The following PXDNL variants were observed in gnomAD, a reference collection of about 807,000 sequenced individuals.
PXDNL encodes the protein probable oxidoreductase PXDNL.
A neutral mutation model predicts 150.8 loss-of-function variants in PXDNL; 145 were observed. That is an observed-to-expected ratio of 0.96 (90% CI 0.84 to 1.10). The LOEUF (loss-of-function observed/expected upper bound fraction) is 1.10. Among genes scored for constraint, PXDNL ranks in the 50% least tolerant of loss-of-function variants. PXDNL has a pLI of 0.00. For missense variants in PXDNL, 2,087 were observed against 1,873.9 expected (o/e 1.11, Z -2.10); for synonymous variants, 757 against 725.7 (o/e 1.04, Z -0.69).
chr8:51,494,304 CG>C (rs1810983856), intron 5 of PXDNL, among the ~76,000 whole-genome samples: 1 of 151,936 alleles, frequency 6.6e-6, no homozygotes, highest in African/African-American at 2.4e-5. Flanking sequence ...AAGGAACAAC[CG>C]GCACCACCCA....
At chr8:51,387,310 T>C (rs986115253) in intron 17 of PXDNL, among the ~76,000 whole-genome samples, 6 of 152,210 alleles carry the variant, frequency 3.9e-5, no homozygotes, top group African/African-American at 1.4e-4. Flanking sequence ...AAAGCAATGT[T>C]AACTATGGTA....
chr8:51,348,693 CA>C (rs1806239065), intron 19 of PXDNL, among the ~76,000 whole-genome samples: 1 of 152,130 alleles, frequency 6.6e-6, no homozygotes, highest in African/African-American at 2.4e-5. Context: ...TACATGTTTT[CA>C]AGCTCTGTTC....
intron 1 of PXDNL, among the ~76,000 whole-genome samples, chr8:51,663,193 T>C (rs1364376814): frequency 2.0e-5 from 3 of 152,194 alleles, no homozygotes; most frequent in African/African-American, 7.2e-5. Context: ...CAAGTGTATC[T>C]GCTGACACAG....
intron 1 of PXDNL, among the ~76,000 whole-genome samples, chr8:51,725,073 G>T (rs73588487): frequency 6.6e-6 from 1 of 151,996 alleles, no homozygotes; most frequent in East Asian, 1.9e-4. Context: ...CTGCAGGTTC[G>T]AACTCCGGGT....
intron 4 of PXDNL, among the ~76,000 whole-genome samples, chr8:51,536,596 C>T (rs1229051571): frequency 1.3e-5 from 2 of 150,760 alleles, no homozygotes; most frequent in Non-Finnish European, 1.5e-5. Flanking sequence ...AGGGTGGCAC[C>T]GAGTTTTTTC....
At chr8:51,543,293 A>G (rs1174434153) in intron 4 of PXDNL, among the ~76,000 whole-genome samples, 1 of 152,198 alleles carries the variant, frequency 6.6e-6, no homozygotes, top group Non-Finnish European at 1.5e-5. Context: ...TGATGAGATA[A>G]AAAGTTTATA....
chr8:51,388,745 T>C (rs141001316), intron 17 of PXDNL, among the ~76,000 whole-genome samples: 12 of 152,312 alleles, frequency 7.9e-5, no homozygotes, highest in Non-Finnish European at 1.6e-4. Flanking sequence ...ATCTCCCTTA[T>C]TATTTATTAT....
intron 2 of PXDNL, among the ~76,000 whole-genome samples, chr8:51,604,234 G>A (rs2130691909): frequency 6.6e-6 from 1 of 152,218 alleles, no homozygotes; most frequent in South Asian, 2.1e-4. Context: ...CAATAGCAAA[G>A]ACTTGGAACC....
intron 4 of PXDNL, among the ~76,000 whole-genome samples, chr8:51,506,431 C>T (rs918595989): frequency 1.3e-5 from 2 of 149,584 alleles, no homozygotes; most frequent in African/African-American, 2.5e-5. Context: ...ATCCCAGCTA[C>T]TCGGGAGGCT....
At chr8:51,668,945 G>A (rs935654757) in intron 1 of PXDNL, among the ~76,000 whole-genome samples, 1 of 152,114 alleles carries the variant, frequency 6.6e-6, no homozygotes, top group African/African-American at 2.4e-5. Flanking sequence ...GTGGACAAGT[G>A]CATGGATGGA....
chr8:51,577,933 AAGAAAGAAAG>A (rs1390523491), intron 3 of PXDNL, among the ~76,000 whole-genome samples: 5 of 57,596 alleles, frequency 8.7e-5, no homozygotes, highest in Middle Eastern at 0.018. Context: ...AAAAGAAAGA[AAGAAAGAAAG>A]AAAGAAAGAA....
At chr8:51,473,254 C>A (rs1810387324) in intron 7 of PXDNL, among the ~76,000 whole-genome samples, 1 of 105,520 alleles carries the variant, frequency 9.5e-6, no homozygotes, top group African/African-American at 2.7e-5. Flanking sequence ...TTTACAGTTT[C>A]ATTGAAGCAG....
intron 2 of PXDNL, among the ~76,000 whole-genome samples, chr8:51,614,141 A>C (rs571751936): frequency 6.6e-6 from 1 of 152,342 alleles, no homozygotes; most frequent in South Asian, 2.1e-4. Flanking sequence ...GAATTATAGA[A>C]TCTAAGAATC....
At chr8:51,420,697 T>C (rs191648024) in intron 14 of PXDNL, among the ~76,000 whole-genome samples, 3 of 152,324 alleles carry the variant, frequency 2.0e-5, no homozygotes, top group Admixed American at 1.3e-4. Context: ...GTTTTACTTT[T>C]GTTTTGTTTT....
At chr8:51,344,943 A>G (rs547856928) in intron 20 of PXDNL, among the ~76,000 whole-genome samples, 2 of 152,288 alleles carry the variant, frequency 1.3e-5, no homozygotes, top group East Asian at 3.9e-4. Context: ...TTGTCCAACA[A>G]CACTATCTCC....
intron 2 of PXDNL, among the ~76,000 whole-genome samples, chr8:51,638,652 T>A (rs959810918): frequency 3.3e-5 from 5 of 152,162 alleles, no homozygotes; most frequent in Admixed American, 3.3e-4. Flanking sequence ...AAGAGCTAAC[T>A]ATCCTAAATA....
At chr8:51,741,760 G>A (rs2036908719) in intron 1 of PXDNL, among the ~76,000 whole-genome samples, 1 of 152,178 alleles carries the variant, frequency 6.6e-6, no homozygotes, top group African/African-American at 2.4e-5. Context: ...TGTCAGTGAT[G>A]CGGGTGAACT....
chr8:51,420,289 A>G (rs563670972), intron 14 of PXDNL, among the ~76,000 whole-genome samples: 1 of 152,322 alleles, frequency 6.6e-6, no homozygotes, highest in Admixed American at 6.5e-5. Context: ...GACCTGGTGA[A>G]TGAAAGGGTC....
At chr8:51,386,475 A>G (rs1451861210) in intron 17 of PXDNL, among the ~76,000 whole-genome samples, 1 of 152,190 alleles carries the variant, frequency 6.6e-6, no homozygotes, top group African/African-American at 2.4e-5. Context: ...TGATAGAAAA[A>G]GAGATAAAGA....
Sources: allele counts gnomAD v4.1 joint callset (sites outside exome capture counted in the v4.1 genomes callset), GRCh38; gene constraint gnomAD v4.1.1; transcripts MANE v1.5; gene names NCBI Gene and HGNC (gene_info 2026-07-23, HGNC 2026-07-21).